Variants in HMCN1 observed in about 807,000 individuals in gnomAD.
HMCN1 encodes hemicentin 1.
Under a neutral mutation model 625.9 loss-of-function variants are expected in HMCN1, and 321 were observed. The observed-to-expected ratio is 0.51, with a 90% CI of 0.47 to 0.56. HMCN1 has a LOEUF of 0.56. HMCN1 is among the 20% of genes least tolerant of loss of function. The pLI, the probability that HMCN1 is intolerant of heterozygous loss-of-function variation, is 0.00. For synonymous variants in HMCN1, 2,425 were observed against 2,417.6 expected (o/e 1.00, Z -0.09); for missense variants, 6,588 against 6,887.3 (o/e 0.96, Z 1.54).
At chr1:185,838,575 G>C (rs536246555) in intron 1 of HMCN1, among the ~76,000 whole-genome samples, 100 of 152,256 alleles carry the variant, frequency 6.6e-4, no homozygotes, top group African/African-American at 2.3e-3. Context: ...AGAATCTTGT[G>C]GTGGTGGGAG....
At chr1:186,121,380 T>G (rs1211485296) in intron 80 of HMCN1, among the ~76,000 whole-genome samples, 1 of 152,146 alleles carries the variant, frequency 6.6e-6, no homozygotes, top group African/African-American at 2.4e-5. Context: ...GGACTGGAGT[T>G]GTAGTGTGTT....
intron 19 of HMCN1, 149 bp downstream of exon 19, chr1:185,984,462 A>C: frequency 4.6e-6 from 4 of 872,880 alleles, no homozygotes; most frequent in South Asian, 1.5e-5. Flanking sequence ...CTACATTGTT[A>C]ATGTTGTTTC....
intron 1 of HMCN1, among the ~76,000 whole-genome samples, chr1:185,785,216 G>T (rs1256258360): frequency 1.3e-5 from 2 of 152,140 alleles, no homozygotes; most frequent in African/African-American, 2.4e-5. Flanking sequence ...GATAGGTATT[G>T]CCCAGGCTGC....
At chr1:186,069,621 A>G in intron 50 of HMCN1, 42 bp from the exon 51 acceptor site, 1 of 1,281,706 alleles carries the variant, frequency 7.8e-7, no homozygotes. Flanking sequence ...CTCCACTGTC[A>G]CTGTGATTTT....
At chr1:186,004,609 G>A (rs1208220776) in intron 29 of HMCN1, among the ~76,000 whole-genome samples, 2 of 151,932 alleles carry the variant, frequency 1.3e-5, no homozygotes, top group African/African-American at 4.8e-5. Flanking sequence ...GCTCATATAG[G>A]CAAAAAAGCA....
intron 1 of HMCN1, among the ~76,000 whole-genome samples, chr1:185,738,934 G>A (rs920659692): frequency 3.9e-5 from 6 of 152,124 alleles, no homozygotes; most frequent in African/African-American, 1.4e-4. Flanking sequence ...GGTAAATTGT[G>A]TGTCACTGGG....
chr1:186,115,507 G>T (rs1661093657), intron 75 of HMCN1, 93 bp downstream of exon 75: 1 of 1,170,614 alleles, frequency 8.5e-7, no homozygotes, highest in African/African-American at 1.5e-5. Context: ...CAAATATATA[G>T]ACTATAACAA....
chr1:186,034,395 T>G (rs375427048), intron 36 of HMCN1, among the ~76,000 whole-genome samples: 6 of 152,294 alleles, frequency 3.9e-5, no homozygotes, highest in African/African-American at 1.4e-4. Flanking sequence ...TTCAGAAGCA[T>G]AAGGAAACTT....
chr1:185,780,812 T>A (rs1468184822), intron 1 of HMCN1, among the ~76,000 whole-genome samples: 1 of 152,170 alleles, frequency 6.6e-6, no homozygotes, highest in Non-Finnish European at 1.5e-5. Context: ...AAATTCTCTT[T>A]TTTTGTTGTG....
chr1:186,119,763 C>T lies in HMCN1; in HGVS notation c.11975C>T (p.Pro3992Leu). The T allele has an allele frequency of 1.2e-6, 2 of 1,613,848 alleles. No individual in the cohort carries two copies. The highest frequency in any genetic ancestry group is 1.7e-6 in the Non-Finnish European group (2 of 1,179,890). The change falls in exon 79 of 107, where the codon CCC (proline) becomes CTC (leucine). Residue 3992 changes from proline (P) to leucine (L), a missense_variant. Physicochemically the swap from Pro to Leu is moderately conservative, Grantham distance 98 (BLOSUM62 -3). This residue lies in a region of HMCN1 where 4,628 missense variants were observed against 4,853.1 expected (regional missense o/e 0.95). Transcript: ENST00000271588. ...TTTATAGAGCCTCCAGTCATTCAGC[C>T]CCAACCAAGTGAACTACACGTCATT... is the stretch of plus-strand genomic sequence containing the variant. ...LHVHEPPVIQ[P>L]QPSELHVILN...
At chr1:185,876,661 A>C (rs969827587) in intron 4 of HMCN1, among the ~76,000 whole-genome samples, 1 of 152,062 alleles carries the variant, frequency 6.6e-6, no homozygotes, top group Non-Finnish European at 1.5e-5. Context: ...TCTGATGATT[A>C]GTGATGATGA....
chr1:186,068,040 T>G, intron 50 of HMCN1, 33 bp downstream of exon 50: 4 of 1,532,306 alleles, frequency 2.6e-6, no homozygotes, highest in Non-Finnish European at 3.6e-6. Context: ...CCAAGATGCA[T>G]CTGCGTCATC....
intron 105 of HMCN1, among the ~76,000 whole-genome samples, 161 bp downstream of exon 105, chr1:186,182,448 AG>A (rs1652996508): frequency 6.6e-6 from 1 of 152,190 alleles, no homozygotes; most frequent in Non-Finnish European, 1.5e-5. Flanking sequence ...AAGCAGGAGA[AG>A]CAATGGGAGA....
chr1:186,174,602 A>C lies in HMCN1; in HGVS notation c.15903A>C (p.Pro5301=). Residue 5301 remains proline, a synonymous_variant, in exon 103 of 107, where the codon CCA becomes CCC. Coordinates refer to ENST00000271588, the MANE Select transcript of HMCN1 (RefSeq NM_031935.3). ...NTRGSYRCVC[P]RGYRSQGVGR... ...GAGGCAGCTATCGTTGTGTATGCCC[A>C]AGAGGTTATCGGTCTCAAGGAGTTG... is the stretch of plus-strand genomic sequence containing the variant. The C allele has an allele frequency of 6.2e-7, 1 of 1,614,040 alleles. No individual in the cohort carries two copies. Among genetic ancestry groups the C allele is most frequent in the Non-Finnish European group, 8.5e-7 (1 of 1,179,896 alleles).
At position 185,925,172 on chromosome 1, in the gene HMCN1, G is replaced by A. The variant is rs1441759884; in HGVS notation, c.1411G>A (p.Gly471Arg). 1.2e-6 allele frequency: 2 copies of A among 1,613,742 alleles called. No individual in the cohort carries two copies. Among genetic ancestry groups the A allele is most frequent in the Admixed American group, 1.7e-5 (1 of 60,010 alleles). Residue 471 changes from glycine (G) to arginine (R), a missense_variant, in exon 9 of 107, where the codon GGA (glycine) becomes AGA (arginine). By Grantham distance (125) the Gly-to-Arg change is moderately radical. Transcript: ENST00000271588. ...LSFVRNGVTL[G>R]VDQYLKESAS... ...CTTTGTCAGAAATGGAGTTACACTT[G>A]GAGTAGACCAGTATTTGAAGTAGGT...
At chr1:185,940,918 C>T (rs1668047462) in intron 11 of HMCN1, among the ~76,000 whole-genome samples, 1 of 152,226 alleles carries the variant, frequency 6.6e-6, no homozygotes, top group Non-Finnish European at 1.5e-5. Flanking sequence ...CATGTGCCAC[C>T]ACGTCAGCTA....
chr1:185,928,758 G>T, intron 10 of HMCN1, 91 bp downstream of exon 10: 1 of 1,358,260 alleles, frequency 7.4e-7, no homozygotes, highest in Non-Finnish European at 1.0e-6. Flanking sequence ...TTATACAATT[G>T]TCTTTGCGAT....
intron 4 of HMCN1, among the ~76,000 whole-genome samples, chr1:185,897,196 C>T (rs1053016530): frequency 5.3e-5 from 8 of 152,132 alleles, no homozygotes; most frequent in Admixed American, 4.6e-4. Flanking sequence ...TGTTTCTTTA[C>T]TACTTTTCTT....
At chr1:185,936,686 G>A (rs1667828300) in intron 11 of HMCN1, among the ~76,000 whole-genome samples, 1 of 152,200 alleles carries the variant, frequency 6.6e-6, no homozygotes, top group African/African-American at 2.4e-5. Flanking sequence ...TATGTAACCT[G>A]GGATGTATGT....
Sources: allele counts gnomAD v4.1 joint callset (sites outside exome capture counted in the v4.1 genomes callset), GRCh38; gene constraint gnomAD v4.1.1; regional missense constraint gnomAD v4.1.1; transcripts MANE v1.5; gene names NCBI Gene and HGNC (gene_info 2026-07-23, HGNC 2026-07-21).